Variants in EXOC3 observed in about 807,000 individuals in gnomAD.
EXOC3 encodes SEC6-like 1.
In EXOC3, 21 loss-of-function variants were observed where a neutral mutation model predicts 73.7. That is an observed-to-expected ratio of 0.29 (90% CI 0.20 to 0.41). EXOC3 has a LOEUF of 0.41. EXOC3 is among the 10% of genes least tolerant of loss of function. The pLI, the probability that EXOC3 is intolerant of heterozygous loss-of-function variation, is 1.00. For synonymous variants in EXOC3, 410 were observed against 389.1 expected (o/e 1.05, Z -0.63); for missense variants, 842 against 985.1 (o/e 0.85, Z 1.95).
chr5:464,507 G>A, intron 10 of EXOC3, 95 bp downstream of exon 10: 1 of 1,372,974 alleles, frequency 7.3e-7, no homozygotes, highest in East Asian at 2.4e-5. Context: ...CCCTCCGTGA[G>A]TGAACGTTCA....
chr5:447,774 A>C, intron 3 of EXOC3, 22 bp downstream of exon 3: 1 of 1,485,676 alleles, frequency 6.7e-7, no homozygotes, highest in Non-Finnish European at 9.1e-7. Context: ...ACGCCGAGGC[A>C]CTTGCCCCCA....
At chr5:459,862 C>T (rs997512838) in intron 7 of EXOC3, among the ~76,000 whole-genome samples, 2 of 152,242 alleles carry the variant, frequency 1.3e-5, no homozygotes, top group African/African-American at 2.4e-5. Context: ...TCCAGGCAGC[C>T]ATGACCTGGC....
intron 2 of EXOC3, 115 bp from the exon 3 acceptor site, chr5:447,418 T>A: frequency 1.5e-6 from 1 of 657,292 alleles, no homozygotes; most frequent in South Asian, 2.1e-5. Flanking sequence ...ATTGACTGTT[T>A]CCTGCTACTC....
At chr5:466,671 C>G in intron 12 of EXOC3, 56 bp from the exon 13 acceptor site, 3 of 1,538,900 alleles carry the variant, frequency 1.9e-6, no homozygotes, top group Non-Finnish European at 1.8e-6. Context: ...TCCCTGGCAG[C>G]GTGGTGCATC....
chr5:463,794 A>G (rs940828832), intron 9 of EXOC3, among the ~76,000 whole-genome samples: 2 of 152,248 alleles, frequency 1.3e-5, no homozygotes, highest in African/African-American at 4.8e-5. Context: ...TTATTGCAAA[A>G]TGTGAAAAAA....
chr5:466,360 G>A, intron 12 of EXOC3: 1 of 262,990 alleles, frequency 3.8e-6, no homozygotes, highest in Non-Finnish European at 7.2e-6. Flanking sequence ...CCTGTCTCAG[G>A]GCACCTGCCA....
chr5:464,952 C>T (rs910462505), intron 10 of EXOC3, 159 bp from the exon 11 acceptor site: 3 of 758,904 alleles, frequency 4.0e-6, no homozygotes, highest in Non-Finnish European at 6.2e-6. Context: ...TGAGCCCCCG[C>T]TCCTCCTCTG....
At chr5:466,605 G>C in intron 12 of EXOC3, 122 bp from the exon 13 acceptor site, 1 of 866,494 alleles carries the variant, frequency 1.2e-6, no homozygotes, top group Admixed American at 2.9e-5. Flanking sequence ...GGTGCAATTT[G>C]TCTGCAGCGG....
At position 464,270 on chromosome 5, in the gene EXOC3, G is replaced by A. The variant is rs759933087; in HGVS notation, c.1654-20G>A. 1.9e-6 allele frequency: 3 copies of A among 1,610,726 alleles called. No individual in the cohort carries two copies. The highest frequency in any genetic ancestry group is 2.5e-6 in the Non-Finnish European group (3 of 1,177,768). On this transcript the variant is annotated intron_variant, in intron 9 of 12. Coordinates refer to ENST00000512944, the MANE Select transcript of EXOC3 (RefSeq NM_007277.5). ...GGGACGTTGAGGTGATGATTTCTAT[G>A]ATCTGTTTCTGCTTTTCAGCAACAT...
intron 12 of EXOC3, 50 bp downstream of exon 12, chr5:465,895 G>T: frequency 6.4e-7 from 1 of 1,559,670 alleles, no homozygotes. Flanking sequence ...GGAGTGGAGC[G>T]GCAGGTCCCT....
rs936140781 is a variant in EXOC3, at chr5:465,013, TCCGGGGAGCCA to T, written c.1777-92_1777-82del. ...AGCGAGGAGGAGTGGGCTCAGAGCC[TCCGGGGAGCCA>T]CCGGGAGCCCCAGCCTGGGTTTCAA... is the stretch of plus-strand genomic sequence containing the variant. On this transcript the variant is annotated intron_variant, in intron 10 of 12. Coordinates refer to ENST00000512944, the MANE Select transcript of EXOC3 (RefSeq NM_007277.5). 3 of 1,315,060 alleles carry T rather than the reference TCCGGGGAGCCA, an allele frequency of 2.3e-6. No individual in the cohort carries two copies. The African/African-American group carries it at 4.5e-5, about 20-fold the overall frequency. The allele number at this position is 1,315,060 out of a possible 1,614,324, so 81.5% of individuals were successfully genotyped here. A position where few individuals can be genotyped will look rare whatever the true frequency, so the allele number is the denominator to read the frequency against.
chr5:445,575 C>T (rs1456828499), intron 1 of EXOC3, among the ~76,000 whole-genome samples: 1 of 152,220 alleles, frequency 6.6e-6, no homozygotes. Flanking sequence ...AGGATGGTCT[C>T]GATCTCCTGA....
chr5:462,503 T>G (rs1738019792), intron 9 of EXOC3, 196 bp downstream of exon 9: 1 of 592,044 alleles, frequency 1.7e-6, no homozygotes, highest in African/African-American at 1.9e-5. Flanking sequence ...AGGGTCCTTC[T>G]TACGCACAAT....
chr5:465,794 C>T lies in EXOC3; in HGVS notation c.2015C>T (p.Ser672Phe), dbSNP rs1738130391. The T allele has an allele frequency of 1.2e-6, 2 of 1,613,428 alleles. No homozygotes were observed. The highest frequency in any genetic ancestry group is 1.7e-6 in the Non-Finnish European group (2 of 1,179,738). The change falls in exon 12 of 13, where the codon TCT (serine) becomes TTT (phenylalanine). Residue 672 changes from serine (S) to phenylalanine (F), a missense_variant. Coordinates refer to ENST00000512944, the MANE Select transcript of EXOC3 (RefSeq NM_007277.5). ...GAAGTGATCAAGCTGACAGACCCTTCTCTGCTCTACCTGGAGGTCTCCACT... is the reference window on the plus strand; with the variant it reads ...GAAGTGATCAAGCTGACAGACCCTTTTCTGCTCTACCTGGAGGTCTCCACT... ...VAEVIKLTDP[S>F]LLYLEVSTLV...
At position 456,912 on chromosome 5, in the gene EXOC3, A is replaced by T. The variant is rs760090455; in HGVS notation, c.1070A>T (p.Glu357Val). Residue 357 changes from glutamate to valine, a missense_variant, in exon 5 of 13, where the codon GAG becomes GTG. Transcript: ENST00000512944. ...YTSTEMMRNV[E>V]LAPEVDVGTL... The stretch of plus-strand genomic sequence containing the variant: ...AGTACTGAGATGATGAGGAACGTGG[A>T]GCTGGCCCCGGAAGTGGATGTCGGC... 6.2e-6 allele frequency: 10 copies of T among 1,613,972 alleles called. No individual in the cohort carries two copies. In the South Asian group the frequency reaches 1.1e-4, roughly 18 times the overall value.
At chr5:462,517 G>T in intron 9 of EXOC3, 1 of 576,146 alleles carries the variant, frequency 1.7e-6, no homozygotes, top group Non-Finnish European at 3.1e-6. Context: ...GCACAATTCA[G>T]TAGATTCACC....
rs150776629 is a variant in EXOC3 at position 452,813 on chromosome 5, C to A, written c.365-557C>A. The stretch of plus-strand genomic sequence containing the variant: ...CGAATTTTTCCTATAAATGCAGTTA[C>A]TTTTGAATGTCTTCATTCATAAATA... On this transcript the variant is annotated intron_variant, in intron 3 of 12. Coordinates refer to ENST00000512944, the MANE Select transcript of EXOC3 (RefSeq NM_007277.5). 2.0e-5 allele frequency among the ~76,000 whole-genome samples: 3 copies of A among 152,350 alleles called. No homozygotes were observed. In the East Asian group the frequency reaches 5.8e-4, roughly 29 times the overall value.
intron 12 of EXOC3, 167 bp from the exon 13 acceptor site, chr5:466,560 G>C: frequency 1.7e-6 from 1 of 600,566 alleles, no homozygotes; most frequent in East Asian, 2.8e-5. Flanking sequence ...AGAGTAAGAT[G>C]AAAATGCAGG....
At position 456,885 on chromosome 5, in the gene EXOC3, A is replaced by T; in HGVS notation, c.1047-4A>T. Reference sequence around the variant, plus strand: ...TGTCACTCACATTCCTGGTTCCCCCATAGTACTGAGATGATGAGGAACGTG... The same window carrying T: ...TGTCACTCACATTCCTGGTTCCCCCTTAGTACTGAGATGATGAGGAACGTG... On this transcript the variant is annotated splice_polypyrimidine_tract_variant and splice_region_variant and intron_variant, in intron 4 of 12. Coordinates refer to ENST00000512944, the MANE Select transcript of EXOC3 (RefSeq NM_007277.5). 2 of 1,610,102 alleles carry T rather than the reference A, an allele frequency of 1.2e-6. No individual in the cohort carries two copies. Among genetic ancestry groups the T allele is most frequent in the Non-Finnish European group, 1.7e-6 (2 of 1,176,402 alleles).
Sources: gnomAD v4.1 joint callset for allele counts (sites outside exome capture counted in the v4.1 genomes callset) on GRCh38, gnomAD v4.1.1 for gene constraint, MANE v1.5 for transcripts, NCBI Gene and HGNC (gene_info 2026-07-23, HGNC 2026-07-21) for gene names.